CACNB2: variants seen among roughly 807,000 people sequenced by gnomAD.
The protein encoded by CACNB2 is calcium voltage-gated channel auxiliary subunit beta 2, also known as voltage-dependent L-type calcium channel subunit beta-2.
A neutral mutation model predicts 73.3 loss-of-function variants in CACNB2; 42 were observed. The observed-to-expected ratio is 0.57, with a 90% CI of 0.45 to 0.74. The LOEUF is 0.74. CACNB2 is among the 30% of genes least tolerant of loss of function. The pLI is 0.00. For synonymous variants in CACNB2, 348 were observed against 310.3 expected (o/e 1.12, Z -1.28); for missense variants, 940 against 853.0 (o/e 1.10, Z -1.27).
chr10:18,475,622 C>T (rs993465813), intron 3 of CACNB2, among the ~76,000 whole-genome samples: 2 of 152,110 alleles, frequency 1.3e-5, no homozygotes, highest in African/African-American at 4.8e-5. Flanking sequence ...TATTGATCCT[C>T]CCCCTGACCT....
chr10:18,516,706 CAA>C (rs952562585), intron 7 of CACNB2, among the ~76,000 whole-genome samples: 2 of 152,112 alleles, frequency 1.3e-5, no homozygotes, highest in African/African-American at 4.8e-5. Context: ...AATTCAAAAA[CAA>C]AACAACAGCC....
At chr10:18,437,492 C>T (rs1215839684) in intron 3 of CACNB2, among the ~76,000 whole-genome samples, 1 of 152,200 alleles carries the variant, frequency 6.6e-6, no homozygotes, top group Non-Finnish European at 1.5e-5. Context: ...TGCATACCGT[C>T]TCCACAGAAG....
chr10:18,166,692 T>C (rs1486506676), intron 2 of CACNB2, among the ~76,000 whole-genome samples: 1 of 152,032 alleles, frequency 6.6e-6, no homozygotes, highest in African/African-American at 2.4e-5. Context: ...GGGCCCCAGG[T>C]GGCTCTAGAA....
chr10:18,319,989 G>GA (rs549915089), intron 2 of CACNB2, among the ~76,000 whole-genome samples: 2 of 152,232 alleles, frequency 1.3e-5, no homozygotes, highest in African/African-American at 4.8e-5. Flanking sequence ...GGGAGGGACA[G>GA]ATTCACTGTC....
chr10:18,392,706 A>G (rs1321771553), intron 2 of CACNB2, among the ~76,000 whole-genome samples: 3 of 152,126 alleles, frequency 2.0e-5, no homozygotes, highest in African/African-American at 7.2e-5. Flanking sequence ...TTTCTGGAGT[A>G]CCTGTAACCA....
intron 2 of CACNB2, among the ~76,000 whole-genome samples, chr10:18,268,430 A>G (rs2037905283): frequency 6.6e-6 from 1 of 152,262 alleles, no homozygotes; most frequent in Non-Finnish European, 1.5e-5. Context: ...AGGAAATAGC[A>G]TATAGACATT....
At position 18,220,250 on chromosome 10, in the gene CACNB2, G is replaced by C. The variant is rs1159013806; in HGVS notation, c.213+69275G>C. Among the ~76,000 whole-genome samples, 197 of 116,318 alleles carry C rather than the reference G, an allele frequency of 1.7e-3. 17 individuals are homozygous for C. The highest frequency in any genetic ancestry group is 5.7e-3 in the African/African-American group (155 of 27,002). 76.3% of individuals were successfully genotyped at this position (116,318 alleles called of 152,430 possible). A position where few individuals can be genotyped will look rare whatever the true frequency, so the allele number is the denominator to read the frequency against. The stretch of plus-strand genomic sequence containing the variant: ...ATATATATAGAGAGAGAGAGAGAGA[G>C]AGAGAGAGAGAGAGAGAGAGAGAGA... On this transcript the variant is annotated intron_variant, in intron 2 of 13. Coordinates refer to ENST00000324631, the MANE Select transcript of CACNB2 (RefSeq NM_201596.3).
chr10:18,148,260 C>T (rs1257872620), intron 1 of CACNB2, among the ~76,000 whole-genome samples: 7 of 152,266 alleles, frequency 4.6e-5, no homozygotes, highest in Admixed American at 4.6e-4. Context: ...TTAAATAAAT[C>T]ATCCCTTATA....
At chr10:18,417,746 C>T (rs911162403) in intron 3 of CACNB2, among the ~76,000 whole-genome samples, 2 of 152,030 alleles carry the variant, frequency 1.3e-5, no homozygotes, top group Admixed American at 1.3e-4. Context: ...GTACTTAATA[C>T]TATTTGAATA....
At chr10:18,364,470 T>C (rs1269588013) in intron 2 of CACNB2, among the ~76,000 whole-genome samples, 1 of 151,698 alleles carries the variant, frequency 6.6e-6, no homozygotes, top group Non-Finnish European at 1.5e-5. Context: ...CTGGCTAATT[T>C]TTGTGGTTTC....
chr10:18,145,941 C>T (rs1212781339), intron 1 of CACNB2, among the ~76,000 whole-genome samples: 1 of 152,140 alleles, frequency 6.6e-6, no homozygotes, highest in East Asian at 1.9e-4. Flanking sequence ...AGATAGATCT[C>T]TGCTTCCTGG....
chr10:18,376,797 C>T (rs10828607), intron 2 of CACNB2, among the ~76,000 whole-genome samples: 44,482 of 151,578 alleles, frequency 0.29, 6,883 homozygotes, highest in East Asian at 0.65. Flanking sequence ...AGCATGTCCC[C>T]GGTCAGGGAG....
intron 2 of CACNB2, among the ~76,000 whole-genome samples, chr10:18,281,124 T>A (rs2038527310): frequency 1.3e-5 from 2 of 152,238 alleles, no homozygotes; most frequent in Non-Finnish European, 2.9e-5. Flanking sequence ...TATTTGAGTC[T>A]ATCTGATTGT....
chr10:18,275,162 C>T (rs993299275), intron 2 of CACNB2, among the ~76,000 whole-genome samples: 6 of 152,180 alleles, frequency 3.9e-5, no homozygotes, highest in Admixed American at 1.3e-4. Flanking sequence ...TGTGCTCCAT[C>T]GCTATCTGGA....
intron 2 of CACNB2, among the ~76,000 whole-genome samples, chr10:18,154,651 A>G (rs2031891638): frequency 6.6e-6 from 1 of 152,138 alleles, no homozygotes; most frequent in Non-Finnish European, 1.5e-5. Flanking sequence ...TATTTTTAGT[A>G]GAGACAGGGT....
At chr10:18,520,631 C>T (rs552954947) in intron 9 of CACNB2, among the ~76,000 whole-genome samples, 1 of 152,316 alleles carries the variant, frequency 6.6e-6, no homozygotes, top group East Asian at 1.9e-4. Context: ...CAGTGGCCTA[C>T]ATGACCTCCT....
At chr10:18,145,965 C>T (rs913913250) in intron 1 of CACNB2, among the ~76,000 whole-genome samples, 4 of 152,102 alleles carry the variant, frequency 2.6e-5, no homozygotes, top group African/African-American at 9.7e-5. Context: ...CCTCCTTCCT[C>T]CCTCCTCCCT....
At chr10:18,320,692 T>C (rs542182929) in intron 2 of CACNB2, among the ~76,000 whole-genome samples, 1 of 152,316 alleles carries the variant, frequency 6.6e-6, no homozygotes, top group Non-Finnish European at 1.5e-5. Flanking sequence ...GGTTGTTTTT[T>C]AGGTTGAATG....
chr10:18,448,611 G>C (rs1196622359), intron 3 of CACNB2, among the ~76,000 whole-genome samples: 1 of 151,926 alleles, frequency 6.6e-6, no homozygotes, highest in African/African-American at 2.4e-5. Flanking sequence ...CTGTTCATCA[G>C]AAACTGGGTA....
Sources: allele counts gnomAD v4.1 joint callset (sites outside exome capture counted in the v4.1 genomes callset), GRCh38; gene constraint gnomAD v4.1.1; transcripts MANE v1.5; gene names NCBI Gene and HGNC (gene_info 2026-07-23, HGNC 2026-07-21).